SGCG: variants seen among roughly 807,000 people sequenced by gnomAD.
SGCG encodes gamma-sarcoglycan.
In SGCG, 26 loss-of-function variants were observed where a neutral mutation model predicts 29.3. The observed-to-expected ratio is 0.89, with a 90% CI of 0.65 to 1.23. SGCG has a LOEUF of 1.23. Among genes scored for constraint, SGCG ranks in the 50% most tolerant of loss-of-function variants. The probability of loss-of-function intolerance (pLI) is 0.00; values close to 1 mark genes in which losing one functional copy is unlikely to be tolerated. For synonymous variants in SGCG, 145 were observed against 129.7 expected (o/e 1.12, Z -0.80); for missense variants, 353 against 356.0 (o/e 0.99, Z 0.07).
At chr13:23,235,356 T>C (rs2137545985) in intron 3 of SGCG, among the ~76,000 whole-genome samples, 1 of 149,588 alleles carries the variant, frequency 6.7e-6, no homozygotes, top group East Asian at 2.0e-4. Flanking sequence ...CAAAACTCCA[T>C]CTCAAAAAAA....
At chr13:23,298,988 A>G (rs750875245) in intron 6 of SGCG, among the ~76,000 whole-genome samples, 1 of 152,216 alleles carries the variant, frequency 6.6e-6, no homozygotes, top group Non-Finnish European at 1.5e-5. Context: ...GGTGGGAACT[A>G]ACATTCACTG....
At chr13:23,191,557 CTG>C (rs1877253369) in intron 1 of SGCG, among the ~76,000 whole-genome samples, 1 of 142,510 alleles carries the variant, frequency 7.0e-6, no homozygotes, top group East Asian at 2.3e-4. Context: ...CAGTCCCCAG[CTG>C]TGAGGAGAAG....
chr13:23,293,613 C>T (rs1416002267), intron 5 of SGCG, among the ~76,000 whole-genome samples: 4 of 152,090 alleles, frequency 2.6e-5, no homozygotes, highest in Admixed American at 1.3e-4. Context: ...GACAGATCAC[C>T]GGAGGTCAGG....
At chr13:23,202,491 C>T (rs1877806175) in intron 1 of SGCG, among the ~76,000 whole-genome samples, 1 of 152,118 alleles carries the variant, frequency 6.6e-6, no homozygotes, top group African/African-American at 2.4e-5. Flanking sequence ...AGAGAACCAT[C>T]AGGAATACAT....
At chr13:23,275,681 T>G (rs898612144) in intron 4 of SGCG, among the ~76,000 whole-genome samples, 1 of 152,188 alleles carries the variant, frequency 6.6e-6, no homozygotes, top group African/African-American at 2.4e-5. Context: ...TTTTATTTTA[T>G]TTAACACAAG....
At chr13:23,203,100 CA>C (rs1877829242) in intron 1 of SGCG, among the ~76,000 whole-genome samples, 1 of 152,110 alleles carries the variant, frequency 6.6e-6, no homozygotes, top group Non-Finnish European at 1.5e-5. Context: ...GTTGGGACTA[CA>C]GGCGCCTGCC....
intron 5 of SGCG, among the ~76,000 whole-genome samples, chr13:23,283,683 T>G (rs1253700105): frequency 6.6e-6 from 1 of 152,220 alleles, no homozygotes; most frequent in East Asian, 1.9e-4. Context: ...ATTTTACCCA[T>G]TAGTTGATGC....
At chr13:23,166,480 C>T in the SGCG span, among the ~76,000 whole-genome samples, 2 of 152,344 alleles carry the variant, frequency 1.3e-5, no homozygotes, top group Non-Finnish European at 2.9e-5. Context: ...AGGCCTGAGC[C>T]ACCGTGCCCA....
At chr13:23,279,327 A>G (rs764655374) in intron 4 of SGCG, 32 bp from the exon 5 acceptor site, 9 of 1,605,722 alleles carry the variant, frequency 5.6e-6, no homozygotes, top group Non-Finnish European at 6.8e-6. Context: ...CTTGTAGTGA[A>G]CAGTTTATAA....
upstream of SGCG, among the ~76,000 whole-genome samples, chr13:23,179,369 C>T (rs985195129): frequency 5.9e-5 from 9 of 152,134 alleles, no homozygotes; most frequent in Admixed American, 5.9e-4. Context: ...AAACACATCA[C>T]CTGACTAACA....
At chr13:23,230,599 G>A (rs1429587165) in intron 2 of SGCG, among the ~76,000 whole-genome samples, 1 of 152,164 alleles carries the variant, frequency 6.6e-6, no homozygotes, top group Non-Finnish European at 1.5e-5. Flanking sequence ...TGCTGTTAAT[G>A]TATAGGGATG....
chr13:23,316,726 C>T (rs1373691726), intron 6 of SGCG, among the ~76,000 whole-genome samples: 1 of 152,196 alleles, frequency 6.6e-6, no homozygotes, highest in East Asian at 1.9e-4. Context: ...TGCGACATTA[C>T]GTTCTGCTGG....
intron 1 of SGCG, among the ~76,000 whole-genome samples, chr13:23,185,614 A>C (rs1876940587): frequency 6.6e-6 from 1 of 152,216 alleles, no homozygotes; most frequent in Non-Finnish European, 1.5e-5. Flanking sequence ...AAAGAAAAAA[A>C]ATCCCTGTAG....
chr13:23,257,868 G>A lies in SGCG; in HGVS notation c.385+7151G>A, dbSNP rs150304674. ...GATCAGATGGTTGTAGATAAGCGGC[G>A]TTATTTCTGAGGCCTCTGTTCTGTT... On this transcript the variant is annotated intron_variant, in intron 4 of 7. Coordinates refer to ENST00000218867, the MANE Select transcript of SGCG (RefSeq NM_000231.3). 2.5e-3 allele frequency among the ~76,000 whole-genome samples: 374 copies of A among 152,146 alleles called. 2 individuals are homozygous for A. The highest frequency in any genetic ancestry group is 8.3e-3 in the African/African-American group (346 of 41,526).
chr13:23,166,609 T>A, the SGCG span, among the ~76,000 whole-genome samples: 2 of 152,196 alleles, frequency 1.3e-5, no homozygotes, highest in Non-Finnish European at 2.9e-5. Context: ...TGGGGACTTT[T>A]CTGTTTGTTC....
At chr13:23,311,478 C>G (rs1009875805) in intron 6 of SGCG, among the ~76,000 whole-genome samples, 1 of 152,264 alleles carries the variant, frequency 6.6e-6, no homozygotes, top group African/African-American at 2.4e-5. Context: ...GACCTTTTCA[C>G]TGGGGTGGTA....
chr13:23,319,750 C>T (rs1329795752), intron 6 of SGCG, among the ~76,000 whole-genome samples: 2 of 152,132 alleles, frequency 1.3e-5, no homozygotes, highest in African/African-American at 2.4e-5. Context: ...GCCCTTTAAG[C>T]GTTTCCTTGA....
At chr13:23,253,396 A>T (rs1880053175) in intron 4 of SGCG, among the ~76,000 whole-genome samples, 1 of 152,184 alleles carries the variant, frequency 6.6e-6, no homozygotes, top group African/African-American at 2.4e-5. Context: ...TCTCTGTTAT[A>T]TTGAGAACCT....
chr13:23,189,048 A>G, intron 1 of SGCG, among the ~76,000 whole-genome samples: 1 of 152,204 alleles, frequency 6.6e-6, no homozygotes, highest in East Asian at 1.9e-4. Flanking sequence ...AATCTCTGCC[A>G]TTCTTCCTAG....
Sources: allele counts gnomAD v4.1 joint callset (sites outside exome capture counted in the v4.1 genomes callset), GRCh38; gene constraint gnomAD v4.1.1; transcripts MANE v1.5; gene names NCBI Gene and HGNC (gene_info 2026-07-23, HGNC 2026-07-21).